ARHGAP18: variants seen among roughly 807,000 people sequenced by gnomAD.
ARHGAP18 encodes Rho GTPase activating protein 18.
Under a neutral mutation model 86.2 loss-of-function variants are expected in ARHGAP18, and 67 were observed. The ratio of observed to expected loss-of-function variants is 0.78; its 90% CI spans 0.64 to 0.95. The LOEUF is 0.95. Among genes scored for constraint, ARHGAP18 ranks in the 40% least tolerant of loss-of-function variants. The pLI, the probability that ARHGAP18 is intolerant of heterozygous loss-of-function variation, is 0.00. For missense variants in ARHGAP18, 691 were observed against 780.4 expected (o/e 0.89, Z 1.37); for synonymous variants, 283 against 280.4 (o/e 1.01, Z -0.09).
chr6:129,676,909 TG>T (rs1562721038), intron 1 of ARHGAP18, among the ~76,000 whole-genome samples: 1 of 106,706 alleles, frequency 9.4e-6, no homozygotes, highest in Non-Finnish European at 2.0e-5. Context: ...AAAAATTTTT[TG>T]TCCTCTTTTT....
chr6:129,642,076 C>G, intron 1 of ARHGAP18, 58 bp from the exon 2 acceptor site: 1 of 1,484,354 alleles, frequency 6.7e-7, no homozygotes, highest in Non-Finnish European at 9.3e-7. Flanking sequence ...AGTATAATTT[C>G]TAAGACATCA....
At chr6:129,696,924 A>G (rs1774626510) in intron 1 of ARHGAP18, among the ~76,000 whole-genome samples, 1 of 152,184 alleles carries the variant, frequency 6.6e-6, no homozygotes, top group Non-Finnish European at 1.5e-5. Context: ...TCTGTGTGCA[A>G]GCCATTCCCT....
Position 129,616,261 on chromosome 6 carries a change from T to C in ARHGAP18, c.995A>G (p.Gln332Arg), listed in dbSNP as rs1371514777. ...CATTCCTGGTACTTTCCTCTGATCT[T>C]GTTCTAATAGCGCTGTCAATGGAAC... ...FCVPLTALLE[Q>R]DQRKVPGMRI... The change falls in exon 7 of 15, where the codon CAA becomes CGA. Residue 332 changes from glutamine to arginine, a missense_variant. By Grantham distance (43) the Gln-to-Arg change is conservative. Coordinates refer to ENST00000368149, the MANE Select transcript of ARHGAP18 (RefSeq NM_033515.3). The C allele has an allele frequency of 6.2e-7, 1 of 1,611,800 alleles. No individual in the cohort carries two copies. The highest frequency in any genetic ancestry group is 1.1e-5 in the South Asian group (1 of 90,514).
At chr6:129,627,273 CAAAG>C (rs898957316) in intron 5 of ARHGAP18, among the ~76,000 whole-genome samples, 1 of 151,962 alleles carries the variant, frequency 6.6e-6, no homozygotes, top group African/African-American at 2.4e-5. Context: ...AGGTTGTTCT[CAAAG>C]AAATATCCAA....
At chr6:129,653,508 G>A (rs569732150) in intron 1 of ARHGAP18, among the ~76,000 whole-genome samples, 43 of 152,172 alleles carry the variant, frequency 2.8e-4, no homozygotes, top group Non-Finnish European at 5.1e-4. Context: ...GGGACAGAGA[G>A]GATGGAGAAA....
chr6:129,671,102 T>G (rs1428442052), intron 1 of ARHGAP18, among the ~76,000 whole-genome samples: 1 of 152,228 alleles, frequency 6.6e-6, no homozygotes, highest in African/African-American at 2.4e-5. Flanking sequence ...AATACCTATT[T>G]TATAATCTTC....
At chr6:129,667,539 T>C (rs1317300192) in intron 1 of ARHGAP18, among the ~76,000 whole-genome samples, 6 of 151,426 alleles carry the variant, frequency 4.0e-5, no homozygotes, top group Admixed American at 4.0e-4. Context: ...TATATATCTT[T>C]AGATTCACGG....
At chr6:129,691,210 AAC>A (rs1774522333) in intron 1 of ARHGAP18, among the ~76,000 whole-genome samples, 1 of 152,134 alleles carries the variant, frequency 6.6e-6, no homozygotes, top group Non-Finnish European at 1.5e-5. Flanking sequence ...CTCCAACATA[AAC>A]ACACACTTTC....
At position 129,618,717 on chromosome 6, in the gene ARHGAP18, G is replaced by A; in HGVS notation, c.922C>T (p.Gln308Ter). The A allele has an allele frequency of 6.2e-6, 10 of 1,604,348 alleles. No homozygotes were observed. Among genetic ancestry groups the A allele is most frequent in the South Asian group, 1.1e-5 (1 of 88,548 alleles). ...LYDVLGIELKQQKAVKIKTKD... is the reference protein window; with the variant it reads ...LYDVLGIELK The stretch of plus-strand genomic sequence containing the variant: ...GTTTTGATTTTCACAGCTTTTTGTT[G>A]TTTCAGCTCAATACCCAATACATCA... Residue 308 changes from glutamine (Q) to a stop codon, truncating the protein, a stop_gained, in exon 6 of 15, where the codon CAA (glutamine) becomes TAA (stop). Transcript: ENST00000368149. LOFTEE classifies it high-confidence loss of function.
At chr6:129,601,508 GAGAAAAGAGAGAAGAGAGAAAAGAGAGA>G (rs1304893028) in intron 10 of ARHGAP18, among the ~76,000 whole-genome samples, 1 of 150,648 alleles carries the variant, frequency 6.6e-6, no homozygotes, top group Non-Finnish European at 1.5e-5. Flanking sequence ...AAAGAGAAAA[GAGAAAAGAGAGAAGAGAGAAAAGAGAGA>G]AGAAAAGAGA....
intron 1 of ARHGAP18, among the ~76,000 whole-genome samples, chr6:129,659,253 G>A (rs556998911): frequency 6.6e-6 from 1 of 152,164 alleles, no homozygotes; most frequent in South Asian, 2.1e-4. Context: ...TGAGGCAGTA[G>A]GCAGGTTCTC....
intron 12 of ARHGAP18, among the ~76,000 whole-genome samples, chr6:129,590,270 G>A (rs1214932043): frequency 2.6e-5 from 4 of 152,150 alleles, no homozygotes; most frequent in Non-Finnish European, 4.4e-5. Flanking sequence ...GCTTTGGGGA[G>A]TATGACCATG....
chr6:129,616,203 C>T lies in ARHGAP18; in HGVS notation c.1044+9G>A, dbSNP rs1291128574. The T allele has an allele frequency of 1.9e-6, 3 of 1,603,624 alleles. No homozygotes were observed. The highest frequency in any genetic ancestry group is 2.6e-6 in the Non-Finnish European group (3 of 1,173,396). On this transcript the variant is annotated intron_variant, in intron 7 of 14. Coordinates refer to ENST00000368149, the MANE Select transcript of ARHGAP18 (RefSeq NM_033515.3). Reference sequence around the variant, plus strand: ...TTCTCTCTATGCTGACCAATCCAAGCCTACCTACTTTTTGAAAGATCAAGG... The same window carrying T: ...TTCTCTCTATGCTGACCAATCCAAGTCTACCTACTTTTTGAAAGATCAAGG...
At chr6:129,619,643 AG>A (rs1789185788) in intron 5 of ARHGAP18, among the ~76,000 whole-genome samples, 1 of 67,336 alleles carries the variant, frequency 1.5e-5, no homozygotes, top group African/African-American at 6.0e-5. Context: ...GGGATGGGGG[AG>A]GGGGAGGGGG....
chr6:129,621,032 A>AAG (rs1238388988), intron 5 of ARHGAP18, among the ~76,000 whole-genome samples: 1 of 152,210 alleles, frequency 6.6e-6, no homozygotes, highest in African/African-American at 2.4e-5. Flanking sequence ...TTTAGAAAAT[A>AAG]TGGCTATTTT....
At chr6:129,593,811 T>C (rs888025746) in intron 12 of ARHGAP18, among the ~76,000 whole-genome samples, 2 of 152,210 alleles carry the variant, frequency 1.3e-5, no homozygotes, top group African/African-American at 4.8e-5. Flanking sequence ...TAAGAACATC[T>C]ACATTTGGAC....
chr6:129,708,101 A>G (rs888104930), intron 1 of ARHGAP18, among the ~76,000 whole-genome samples: 1 of 152,162 alleles, frequency 6.6e-6, no homozygotes, highest in African/African-American at 2.4e-5. Flanking sequence ...GTATCTCCCA[A>G]AACAACAACA....
chr6:129,634,285 T>C (rs1773287012), intron 3 of ARHGAP18, among the ~76,000 whole-genome samples, 180 bp from the exon 4 acceptor site: 1 of 152,142 alleles, frequency 6.6e-6, no homozygotes, highest in African/African-American at 2.4e-5. Flanking sequence ...AAATATTTTA[T>C]TACCTACAAC....
chr6:129,673,255 T>C (rs1034668155), intron 1 of ARHGAP18, among the ~76,000 whole-genome samples: 3 of 152,068 alleles, frequency 2.0e-5, no homozygotes, highest in African/African-American at 7.2e-5. Flanking sequence ...TTAATACAAA[T>C]ATCCAGTTCC....
Sources: gnomAD v4.1 joint callset for allele counts (sites outside exome capture counted in the v4.1 genomes callset) on GRCh38, gnomAD v4.1.1 for gene constraint, MANE v1.5 for transcripts, NCBI Gene and HGNC (gene_info 2026-07-23, HGNC 2026-07-21) for gene names.